Variants in STAC2 observed in about 807,000 individuals in gnomAD.
The protein encoded by STAC2 is SH3 and cysteine-rich domain-containing protein 2.
A neutral mutation model predicts 49.0 loss-of-function variants in STAC2; 36 were observed. The observed-to-expected ratio is 0.74, with a 90% confidence interval of 0.56 to 0.97. The LOEUF (loss-of-function observed/expected upper bound fraction) is 0.97. STAC2 is among the 50% of genes least tolerant of loss of function. STAC2 has a pLI of 0.00. For missense variants in STAC2, 527 were observed against 543.8 expected (o/e 0.97, Z 0.31); for synonymous variants, 239 against 214.7 (o/e 1.11, Z -0.99).
rs886379151 is a variant in STAC2, at chr17:39,221,905, C to A, written c.90+3508G>T. 3.3e-5 allele frequency among the ~76,000 whole-genome samples: 5 copies of A among 152,164 alleles called. No homozygotes were observed. In the East Asian group the frequency reaches 7.7e-4, roughly 23 times the overall value. Reference sequence around the variant, plus strand: ...ACCTAGAGCAGTCCCCAACTCATCACCCTGCGATGGCCTGGCCACATCCCG... The same window carrying A: ...ACCTAGAGCAGTCCCCAACTCATCAACCTGCGATGGCCTGGCCACATCCCG... On this transcript the variant is annotated intron_variant, in intron 1 of 10. Coordinates refer to ENST00000333461, the MANE Select transcript of STAC2 (RefSeq NM_198993.5).
intron 1 of STAC2, among the ~76,000 whole-genome samples, chr17:39,219,622 T>C (rs537625201): frequency 9.2e-5 from 14 of 152,312 alleles, no homozygotes; most frequent in African/African-American, 3.4e-4. Context: ...CTTTGGTGAA[T>C]ACATGAGCCA....
chr17:39,220,719 G>T (rs570999168), intron 1 of STAC2, among the ~76,000 whole-genome samples: 2 of 152,068 alleles, frequency 1.3e-5, no homozygotes, highest in Non-Finnish European at 2.9e-5. Context: ...TGATTTGCCC[G>T]CCTCGGCCTC....
At chr17:39,217,832 C>T (rs1487896991) in intron 2 of STAC2, 35 bp downstream of exon 2, 2 of 1,570,736 alleles carry the variant, frequency 1.3e-6, no homozygotes, top group Admixed American at 1.8e-5. Flanking sequence ...CACGCTGGCC[C>T]CTCCCCGTGG....
Position 39,217,154 on chromosome 17 carries a change from C to A in STAC2, c.417G>T (p.Leu139Phe), listed in dbSNP as rs778747617. ...QLIVGNSKQG[L>F]RCKMCKVSVH... ...CGCTGACTTTGCACATCTTACATCG[C>A]AAGCCCTGTTTGGAGTTTCCTAGGA... The change falls in exon 3 of 11, where the codon TTG becomes TTT. Residue 139 changes from leucine to phenylalanine, a missense_variant. Leu to Phe is a conservative substitution (Grantham distance 22). Coordinates refer to ENST00000333461, the MANE Select transcript of STAC2 (RefSeq NM_198993.5). The A allele has an allele frequency of 6.2e-7, 1 of 1,613,858 alleles. No homozygotes were observed. The highest frequency in any genetic ancestry group is 1.7e-5 in the Admixed American group (1 of 60,034).
chr17:39,215,145 G>A lies in STAC2; in HGVS notation c.672C>T (p.Ser224=). ...GGCTCCTTGTCGGGGACTCAGAGGTGCTGCTGAAACTGGAGCGGTTCATCA... is the reference window on the plus strand; with the variant it reads ...GGCTCCTTGTCGGGGACTCAGAGGTACTGCTGAAACTGGAGCGGTTCATCA... ...LALMNRSSFS[S]TSESPTRSLS... The change falls in exon 5 of 11, where the codon AGC becomes AGT. Residue 224 remains serine, a synonymous_variant. Transcript: ENST00000333461. The A allele has an allele frequency of 1.2e-6, 2 of 1,614,060 alleles. No individual in the cohort carries two copies. Among genetic ancestry groups the A allele is most frequent in the Non-Finnish European group, 1.7e-6 (2 of 1,180,014 alleles).
chr17:39,220,375 G>A (rs2046449639), intron 1 of STAC2, among the ~76,000 whole-genome samples: 1 of 152,198 alleles, frequency 6.6e-6, no homozygotes, highest in Non-Finnish European at 1.5e-5. Context: ...GCCGGAGGAT[G>A]TGCTGGGGCT....
At chr17:39,212,954 T>A in intron 10 of STAC2, 41 bp downstream of exon 10, 1 of 1,603,084 alleles carries the variant, frequency 6.2e-7, no homozygotes, top group Non-Finnish European at 8.5e-7. Flanking sequence ...GCCCACTCCC[T>A]CCCTCCGCCA....
chr17:39,214,358 C>G (rs376315998), intron 7 of STAC2, 28 bp from the exon 8 acceptor site: 1 of 1,613,034 alleles, frequency 6.2e-7, no homozygotes, highest in Non-Finnish European at 8.5e-7. Flanking sequence ...GGTCGGTGAC[C>G]GGAAAGCAGC....
chr17:39,224,614 A>T (rs2046493387), intron 1 of STAC2, among the ~76,000 whole-genome samples: 1 of 152,230 alleles, frequency 6.6e-6, no homozygotes, highest in Admixed American at 6.5e-5. Flanking sequence ...CAGGAGTAAC[A>T]ATCATCCATA....
chr17:39,220,752 G>A (rs1156327563), intron 1 of STAC2, among the ~76,000 whole-genome samples: 2 of 151,876 alleles, frequency 1.3e-5, no homozygotes, highest in South Asian at 2.1e-4. Context: ...GATTACAGGC[G>A]TGAGCCACTG....
intron 4 of STAC2, among the ~76,000 whole-genome samples, chr17:39,216,144 C>A (rs942695569): frequency 4.6e-5 from 7 of 152,010 alleles, no homozygotes; most frequent in African/African-American, 1.5e-4. Flanking sequence ...AGACAGCGAG[C>A]TTTTTCTTTT....
In STAC2 at chr17:39,214,313, C is replaced by T. The variant is rs774268831; in HGVS notation, c.861G>A (p.Leu287=). 11 of 1,613,900 alleles carry T rather than the reference C, an allele frequency of 6.8e-6. No homozygotes were observed. In the Admixed American group the frequency reaches 1.7e-4, roughly 24 times the overall value. ...SPGQQLPKAT[L]RKDVGPMYSY... ...AGTACATGGGCCCCACATCCTTCCGCAGGGTGGCTTTGGGGAGCTGCGGGA... is the reference window on the plus strand; with the variant it reads ...AGTACATGGGCCCCACATCCTTCCGTAGGGTGGCTTTGGGGAGCTGCGGGA... Residue 287 remains leucine, a synonymous_variant, in exon 8 of 11, where the codon CTG becomes CTA. Coordinates refer to ENST00000333461, the MANE Select transcript of STAC2 (RefSeq NM_198993.5).
chr17:39,217,389 C>G (rs778064800), intron 2 of STAC2, among the ~76,000 whole-genome samples: 2 of 152,138 alleles, frequency 1.3e-5, no homozygotes, highest in African/African-American at 2.4e-5. Context: ...ACTGAGTATA[C>G]CCCCACCCTT....
At chr17:39,213,593 A>AG in intron 8 of STAC2, 35 bp from the exon 9 acceptor site, 3 of 1,609,924 alleles carry the variant, frequency 1.9e-6, no homozygotes, top group Non-Finnish European at 2.5e-6. Flanking sequence ...CATATGGAGC[A>AG]GGGAGTAGTG....
Position 39,214,276 on chromosome 17 carries a change from G to A in STAC2, c.898C>T (p.Leu300Phe). The A allele has an allele frequency of 6.2e-7, 1 of 1,614,102 alleles. No individual in the cohort carries two copies. The highest frequency in any genetic ancestry group is 1.1e-5 in the South Asian group (1 of 91,082). Residue 300 changes from leucine to phenylalanine, a missense_variant, in exon 8 of 11, where the codon CTC becomes TTC. Leu to Phe is a conservative substitution (Grantham distance 22). Coordinates refer to ENST00000333461, the MANE Select transcript of STAC2 (RefSeq NM_198993.5). ...TTCTCCTGGGGCAGAAACTTGTAGAGTGCAACGTAGGAGTACATGGGCCCC... is the reference window on the plus strand; with the variant it reads ...TTCTCCTGGGGCAGAAACTTGTAGAATGCAACGTAGGAGTACATGGGCCCC... ...DVGPMYSYVA[L>F]YKFLPQENND...
intron 1 of STAC2, among the ~76,000 whole-genome samples, chr17:39,218,916 C>T (rs537787055): frequency 4.6e-5 from 7 of 152,116 alleles, no homozygotes; most frequent in African/African-American, 9.6e-5. Flanking sequence ...GAGGAGTGGT[C>T]GTCCTGGACC....
At chr17:39,215,818 C>A (rs1427567410) in intron 4 of STAC2, among the ~76,000 whole-genome samples, 1 of 152,120 alleles carries the variant, frequency 6.6e-6, no homozygotes, top group African/African-American at 2.4e-5. Context: ...ATTCTCCTGC[C>A]TCAGCTGGGA....
At position 39,215,110 on chromosome 17, in the gene STAC2, C is replaced by T. The variant is rs1446403160; in HGVS notation, c.699+8G>A. The T allele has an allele frequency of 2.5e-6, 4 of 1,613,896 alleles. No homozygotes were observed. The African/African-American group carries it at 5.3e-5, about 22-fold the overall frequency. On this transcript the variant is annotated splice_region_variant and intron_variant, in intron 5 of 10. Coordinates refer to ENST00000333461, the MANE Select transcript of STAC2 (RefSeq NM_198993.5). ...CCCCAAAAGACCCCCCCTTTTTGCC[C>T]ACCATACCAGGCTCCTTGTCGGGGA...
chr17:39,216,701 C>T, intron 4 of STAC2, 109 bp downstream of exon 4: 1 of 1,092,468 alleles, frequency 9.2e-7, no homozygotes, highest in Non-Finnish European at 1.3e-6. Flanking sequence ...CTCCTGGGTT[C>T]AAGCAATTGA....
Sources: allele counts gnomAD v4.1 joint callset (sites outside exome capture counted in the v4.1 genomes callset), GRCh38; gene constraint gnomAD v4.1.1; transcripts MANE v1.5; gene names NCBI Gene and HGNC (gene_info 2026-07-23, HGNC 2026-07-21).